Variants in NBPF11 observed in about 807,000 individuals in gnomAD.
The protein encoded by NBPF11 is NBPF member 11.
NBPF11 carries 72 observed loss-of-function variants against 93.9 expected under a neutral mutation model. The observed-to-expected ratio is 0.77, with a 90% CI of 0.63 to 0.93. The LOEUF is 0.93. Among genes scored for constraint, NBPF11 ranks in the 40% least tolerant of loss-of-function variants. The probability of loss-of-function intolerance (pLI) is 0.00; values close to 1 mark genes in which losing one functional copy is unlikely to be tolerated. For synonymous variants in NBPF11, 224 were observed against 304.9 expected, an observed-to-expected ratio of 0.73 and a Z score of 2.76; for missense variants, 705 against 802.2, an observed-to-expected ratio of 0.88 and a Z score of 1.46.
chr1:148,149,280 C>A (rs1647616310), intron 1 of NBPF11: 1 of 1,596,744 alleles, frequency 6.3e-7, no homozygotes, highest in African/African-American at 1.3e-5. Flanking sequence ...CCGCTCACCT[C>A]GGGCATGCGC....
rs1405776980 is a variant in NBPF11 at position 148,146,877 on chromosome 1, C to A, written c.-548-3191G>T. 6.8e-6 allele frequency: 11 copies of A among 1,613,704 alleles called. No individual in the cohort carries two copies. The East Asian group carries it at 1.8e-4, about 26-fold the overall frequency. On this transcript the variant is annotated intron_variant, in intron 1 of 23. Transcript: ENST00000682118. ...GCTCGGGCAGGCCTTCCGAGAGGAA[C>A]CTCTATGCCGACATCGACGCCACCT...
intron 14 of NBPF11, among the ~76,000 whole-genome samples, chr1:148,115,286 T>C (rs1571428314): frequency 6.9e-6 from 1 of 144,288 alleles, no homozygotes; most frequent in Non-Finnish European, 1.5e-5. Context: ...TTTATGGAAA[T>C]ATATCAGCAA....
intron 2 of NBPF11, among the ~76,000 whole-genome samples, chr1:148,138,303 A>C (rs1294718505): frequency 6.6e-6 from 1 of 151,220 alleles, no homozygotes; most frequent in Non-Finnish European, 1.5e-5. Context: ...AGGGATGAGC[A>C]GGAGACAGAT....
At chr1:148,117,287 G>GCC (rs1666797413) in intron 12 of NBPF11, among the ~76,000 whole-genome samples, 1 of 148,658 alleles carries the variant, frequency 6.7e-6, no homozygotes, top group African/African-American at 2.5e-5. Flanking sequence ...TAACAAGCCT[G>GCC]CTCCCATCGC....
Position 148,149,446 on chromosome 1 carries a change from C to T in NBPF11, c.-549+2304G>A, listed in dbSNP as rs2149316750. 5 of 1,586,710 alleles carry T rather than the reference C, an allele frequency of 3.2e-6. No homozygotes were observed. In the Admixed American group the frequency reaches 8.6e-5, roughly 27 times the overall value. On this transcript the variant is annotated intron_variant, in intron 1 of 23. Transcript: ENST00000682118. The stretch of plus-strand genomic sequence containing the variant: ...GGCTGGCGCTCTACGAGCGCTGCCC[C>T]AAGGCGGTGGAGCCGCTGTGGGTGG...
In NBPF11 at chr1:148,145,921, G is replaced by T. The variant is rs75555652; in HGVS notation, c.-548-2235C>A. ...AGAGAATCTCCATTCATGAAAAAAC[G>T]TCATTAAAAGAGTGAAAACACAAGC... is the stretch of plus-strand genomic sequence containing the variant. On this transcript the variant is annotated intron_variant, in intron 1 of 23. Coordinates refer to ENST00000682118, the MANE Select transcript of NBPF11 (RefSeq NM_001385469.3). Among the ~76,000 whole-genome samples the T allele has an allele frequency of 6.7e-3, 1,019 of 152,002 alleles. 4 individuals are homozygous for T. The highest frequency in any genetic ancestry group is 0.011 in the Non-Finnish European group (774 of 68,012).
intron 9 of NBPF11, among the ~76,000 whole-genome samples, chr1:148,121,182 T>A (rs1392956364): frequency 2.0e-5 from 3 of 151,508 alleles, no homozygotes; most frequent in Non-Finnish European, 4.4e-5. Flanking sequence ...GCATCTGGGA[T>A]TACAAGCGCC....
At chr1:148,113,072 A>C (rs1182535940) in intron 15 of NBPF11, among the ~76,000 whole-genome samples, 29 of 152,086 alleles carry the variant, frequency 1.9e-4, no homozygotes, top group Non-Finnish European at 1.8e-4. Flanking sequence ...TAACGGGTGA[A>C]ATAACCAGCA....
chr1:148,104,517 C>T lies in NBPF11; in HGVS notation c.2581+20G>A, dbSNP rs1663056061. The T allele has an allele frequency of 6.8e-6, 4 of 589,950 alleles. No individual in the cohort carries two copies. In the Admixed American group the frequency reaches 9.0e-5, roughly 13 times the overall value. The allele number at this position is 589,950 out of a possible 1,614,324, so 36.5% of individuals were successfully genotyped here. ...CAGGTGTTAACACAGAATTAAGCATCCACAATTGCTGAAAGTTACCTGGGG... is the reference window on the plus strand; with the variant it reads ...CAGGTGTTAACACAGAATTAAGCATTCACAATTGCTGAAAGTTACCTGGGG... On this transcript the variant is annotated intron_variant, in intron 23 of 23. Transcript: ENST00000682118.
intron 5 of NBPF11, among the ~76,000 whole-genome samples, chr1:148,126,390 G>C (rs1553273039): frequency 0.15 from 21,049 of 136,166 alleles, 1,555 homozygotes; most frequent in East Asian, 0.31. Context: ...CAGGTACTGG[G>C]TACTATCACC....
chr1:148,124,517 T>C (rs1298218773), intron 6 of NBPF11, among the ~76,000 whole-genome samples: 1 of 150,632 alleles, frequency 6.6e-6, no homozygotes, highest in African/African-American at 2.5e-5. Flanking sequence ...AAGGCAACAT[T>C]GATTGAGTGA....
rs1553273183 is a variant in NBPF11 at position 148,126,805 on chromosome 1, T to C, written c.175+24A>G. ...TAGTGTCTCACATTCATCACTTTCA[T>C]GATGGTGAGCCTATAGATCTTACTG... is the stretch of plus-strand genomic sequence containing the variant. On this transcript the variant is annotated intron_variant, in intron 5 of 23. Coordinates refer to ENST00000682118, the MANE Select transcript of NBPF11 (RefSeq NM_001385469.3). The C allele has an allele frequency of 2.7e-3, 4,280 of 1,599,836 alleles. 179 individuals carry two copies. In the African/African-American group the frequency reaches 0.052, roughly 19 times the overall value.
intron 2 of NBPF11, among the ~76,000 whole-genome samples, chr1:148,142,165 G>A (rs1418810020): frequency 1.1e-4 from 16 of 151,610 alleles, no homozygotes; most frequent in Middle Eastern, 3.4e-3. Flanking sequence ...AGGGAGAGAA[G>A]TAGGGAAGAA....
intron 8 of NBPF11, 125 bp from the exon 9 acceptor site, chr1:148,122,391 C>G (rs1668078617): frequency 6.0e-6 from 9 of 1,501,432 alleles, no homozygotes; most frequent in Non-Finnish European, 7.4e-6. Context: ...ATGGAGGTTC[C>G]CTTTAAGAGG....
At chr1:148,104,458 A>C in intron 23 of NBPF11, 79 bp downstream of exon 23, 1 of 602,470 alleles carries the variant, frequency 1.7e-6, no homozygotes, top group Non-Finnish European at 2.9e-6. Flanking sequence ...ACATGACATC[A>C]AACACACTCT....
At chr1:148,148,004 C>A (rs1673473685) in intron 1 of NBPF11, among the ~76,000 whole-genome samples, 1 of 152,054 alleles carries the variant, frequency 6.6e-6, no homozygotes, top group African/African-American at 2.4e-5. Flanking sequence ...GGGGATGTGT[C>A]CCGTTCGTTT....
chr1:148,103,907 C>T lies in NBPF11; in HGVS notation c.2587G>A (p.Ala863Thr), dbSNP rs1220206200. The change falls in exon 24 of 24, where the codon GCA becomes ACA. Residue 863 changes from alanine to threonine, a missense_variant. Around this residue, in one of 12 missense-constraint regions of NBPF11, gnomAD observed 109 missense variants for 83.3 expected, o/e 1.31. Coordinates refer to ENST00000682118, the MANE Select transcript of NBPF11 (RefSeq NM_001385469.3). ...KIKTHHAPGS[A>T]AC is the part of the protein sequence containing the mutation. ...CACTTCCACTTCCATCAGCACGCTG[C>T]TGAGCCTGGAAAAGGAGACAAAACT... The T allele has an allele frequency of 1.0e-4, 167 of 1,610,706 alleles. 1 individual carries two copies. The Middle Eastern group carries it at 1.1e-3, about 11-fold the overall frequency.
At chr1:148,104,440 C>T (rs1396816042) in intron 23 of NBPF11, 97 bp downstream of exon 23, 257 of 614,396 alleles carry the variant, frequency 4.2e-4, no homozygotes, top group Non-Finnish European at 6.4e-4. Context: ...ATTCAGCCTT[C>T]GTTGAAAACA....
chr1:148,142,318 G>T (rs1435741569), intron 2 of NBPF11, among the ~76,000 whole-genome samples: 7 of 151,926 alleles, frequency 4.6e-5, no homozygotes, highest in Non-Finnish European at 8.8e-5. Flanking sequence ...TGTTTCCATG[G>T]GGTACAACCC....
Sources: allele counts gnomAD v4.1 joint callset (sites outside exome capture counted in the v4.1 genomes callset), GRCh38; gene constraint gnomAD v4.1.1; regional missense constraint gnomAD v4.1.1; transcripts MANE v1.5; gene names NCBI Gene and HGNC (gene_info 2026-07-23, HGNC 2026-07-21).